Variants in ITSN1 observed in about 807,000 individuals in gnomAD.
ITSN1 encodes the protein intersectin-1.
Under a neutral mutation model 239.8 loss-of-function variants are expected in ITSN1, and 58 were observed. The observed-to-expected ratio is 0.24, with a 90% confidence interval of 0.20 to 0.30. The LOEUF is 0.30. Ranked by LOEUF, ITSN1 falls within the 10% of genes least tolerant of loss-of-function variation. The pLI, the probability that ITSN1 is intolerant of heterozygous loss-of-function variation, is 1.00. For missense variants in ITSN1, 1,558 were observed against 2,103.3 expected (o/e 0.74, Z 5.07); for synonymous variants, 780 against 770.8 (o/e 1.01, Z -0.20).
At chr21:33,849,067 C>A (rs1035362353) in intron 29 of ITSN1, among the ~76,000 whole-genome samples, 1 of 151,960 alleles carries the variant, frequency 6.6e-6, no homozygotes, top group Non-Finnish European at 1.5e-5. Flanking sequence ...ATGGTGAAAC[C>A]CCGTCTCTAC....
At chr21:33,819,202 A>C (rs767537126) in intron 23 of ITSN1, 39 bp from the exon 24 acceptor site, 1 of 1,478,320 alleles carries the variant, frequency 6.8e-7, no homozygotes, top group Non-Finnish European at 9.4e-7. Flanking sequence ...TTTTCTTTGA[A>C]GATAAAAATT....
At chr21:33,843,306 T>C (rs2074886461) in intron 29 of ITSN1, among the ~76,000 whole-genome samples, 1 of 152,164 alleles carries the variant, frequency 6.6e-6, no homozygotes, top group African/African-American at 2.4e-5. Context: ...AAGGGGCCCC[T>C]CTTGCCTCAT....
At position 33,766,014 on chromosome 21, in the gene ITSN1, T is replaced by C; in HGVS notation, c.926+2T>C. 6.2e-7 allele frequency: 1 copy of C among 1,614,084 alleles called. No homozygotes were observed. Among genetic ancestry groups the C allele is most frequent in the Non-Finnish European group, 8.5e-7 (1 of 1,179,986 alleles). On this transcript the variant is annotated splice_donor_variant, in intron 10 of 39. Coordinates refer to ENST00000381318, the MANE Select transcript of ITSN1 (RefSeq NM_003024.3). LOFTEE classifies it high-confidence loss of function. The stretch of plus-strand genomic sequence containing the variant: ...AGAATACATTCCACCTTCTTTTAGG[T>C]AAGGAACATGGGCTCTGATCAGGAA...
chr21:33,808,404 G>A (rs148147637), intron 20 of ITSN1, among the ~76,000 whole-genome samples: 103 of 152,232 alleles, frequency 6.8e-4, no homozygotes, highest in African/African-American at 2.3e-3. Context: ...GGCCAATATG[G>A]TGAAACCCCA....
rs556213604 is a variant in ITSN1 at position 33,770,974 on chromosome 21, C to T, written c.1043-1087C>T. 4.6e-5 allele frequency among the ~76,000 whole-genome samples: 7 copies of T among 152,106 alleles called. No homozygotes were observed. The South Asian group carries it at 1.0e-3, about 23-fold the overall frequency. ...AGAGACTGGGTTTCACCATGTTGGC[C>T]AGGCTGGTATGGAACTCCTGACCTC... On this transcript the variant is annotated intron_variant, in intron 11 of 39. Coordinates refer to ENST00000381318, the MANE Select transcript of ITSN1 (RefSeq NM_003024.3).
intron 30 of ITSN1, among the ~76,000 whole-genome samples, 183 bp downstream of exon 30, chr21:33,857,040 T>A (rs1261362601): frequency 2.0e-5 from 3 of 152,170 alleles, no homozygotes; most frequent in Admixed American, 6.5e-5. Context: ...TGCTTATCCA[T>A]GGCCAACATT....
chr21:33,808,176 A>G (rs976632370), intron 20 of ITSN1, among the ~76,000 whole-genome samples: 3 of 151,618 alleles, frequency 2.0e-5, no homozygotes, highest in African/African-American at 7.3e-5. Context: ...CCTGGGCGAC[A>G]GAGCGAGACT....
At chr21:33,670,482 C>CT (rs34091306) in intron 1 of ITSN1, among the ~76,000 whole-genome samples, 4,274 of 146,172 alleles carry the variant, frequency 0.029, 188 homozygotes, top group African/African-American at 0.1. Flanking sequence ...ATGAAAATCG[C>CT]TTTTTTTTTT....
At chr21:33,875,223 G>T in intron 33 of ITSN1, 131 bp from the exon 34 acceptor site, 1 of 911,030 alleles carries the variant, frequency 1.1e-6, no homozygotes, top group Non-Finnish European at 1.7e-6. Flanking sequence ...TCAGAGCTGC[G>T]ATTGCTCAAG....
intron 4 of ITSN1, among the ~76,000 whole-genome samples, chr21:33,730,681 T>A (rs2066126452): frequency 6.6e-6 from 1 of 151,226 alleles, no homozygotes; most frequent in Non-Finnish European, 1.5e-5. Flanking sequence ...ATTACAGGCG[T>A]GAGCCACCGT....
At chr21:33,650,120 A>C (rs1316168818) in intron 1 of ITSN1, among the ~76,000 whole-genome samples, 1 of 152,178 alleles carries the variant, frequency 6.6e-6, no homozygotes, top group Non-Finnish European at 1.5e-5. Context: ...TTAAAATTAA[A>C]CATCCTCTTT....
intron 30 of ITSN1, among the ~76,000 whole-genome samples, chr21:33,857,632 C>T (rs9984660): frequency 0.069 from 10,567 of 152,166 alleles, 1,263 homozygotes; most frequent in African/African-American, 0.24. Context: ...CAGCAGGGCT[C>T]GCCGCTGTTG....
At chr21:33,830,351 G>T (rs1269027505) in intron 27 of ITSN1, among the ~76,000 whole-genome samples, 1 of 152,162 alleles carries the variant, frequency 6.6e-6, no homozygotes, top group African/African-American at 2.4e-5. Context: ...AAAATTTTCA[G>T]TAGGAGCAGA....
intron 17 of ITSN1, among the ~76,000 whole-genome samples, chr21:33,796,078 C>T (rs2071540903): frequency 6.6e-6 from 1 of 152,002 alleles, no homozygotes; most frequent in Admixed American, 6.6e-5. Context: ...ACTCTCCTGC[C>T]TCAGCTTCCC....
chr21:33,841,621 C>T (rs2074825689), intron 29 of ITSN1, among the ~76,000 whole-genome samples: 2 of 152,186 alleles, frequency 1.3e-5, no homozygotes, highest in Admixed American at 6.5e-5. Flanking sequence ...GACCAGGGAC[C>T]GTTGTCTGAG....
intron 20 of ITSN1, among the ~76,000 whole-genome samples, chr21:33,807,957 G>A (rs1433155684): frequency 2.0e-5 from 3 of 151,330 alleles, no homozygotes; most frequent in African/African-American, 7.3e-5. Flanking sequence ...AGGCCGAGGC[G>A]GGTGGATCAT....
rs747400975 is a variant in ITSN1, at chr21:33,751,862, A to G, written c.579A>G (p.Gln193=). Residue 193 remains glutamine, a synonymous_variant, in exon 7 of 40, where the codon CAA becomes CAG. Transcript: ENST00000381318. ...SSFSRSGPGS[Q]LNTKLQKAQS... ...TTAGTAGATCTGGTCCAGGGTCACAACTAAACACTAAATTACAAAAGGCAC... is the reference window on the plus strand; with the variant it reads ...TTAGTAGATCTGGTCCAGGGTCACAGCTAAACACTAAATTACAAAAGGCAC... 7.4e-6 allele frequency: 12 copies of G among 1,613,812 alleles called. No homozygotes were observed. Among genetic ancestry groups the G allele is most frequent in the South Asian group, 5.5e-5 (5 of 91,052 alleles).
At chr21:33,728,653 C>A (rs747511036) in intron 4 of ITSN1, among the ~76,000 whole-genome samples, 12 of 152,156 alleles carry the variant, frequency 7.9e-5, no homozygotes, top group Non-Finnish European at 1.5e-4. Flanking sequence ...TTTCAGGTTT[C>A]AGTTCATATG....
chr21:33,820,831 A>T (rs997837000), intron 24 of ITSN1, among the ~76,000 whole-genome samples: 1 of 151,846 alleles, frequency 6.6e-6, no homozygotes, highest in African/African-American at 2.4e-5. Context: ...TTTAGTAAAA[A>T]GCAACTTATG....
Sources: gnomAD v4.1 joint callset for allele counts (sites outside exome capture counted in the v4.1 genomes callset) on GRCh38, gnomAD v4.1.1 for gene constraint, MANE v1.5 for transcripts, NCBI Gene and HGNC (gene_info 2026-07-23, HGNC 2026-07-21) for gene names.